The following GUCY1A2 variants were observed in gnomAD, a reference collection of about 807,000 sequenced individuals.
The protein encoded by GUCY1A2 is guanylate cyclase 1 soluble subunit alpha 2, also known as guanylate cyclase soluble subunit alpha-2.
GUCY1A2 carries 27 observed loss-of-function variants against 63.5 expected under a neutral mutation model. The ratio of observed to expected loss-of-function variants is 0.43; its 90% CI spans 0.31 to 0.59. The LOEUF is 0.59. GUCY1A2 is among the 20% of genes least tolerant of loss of function. The pLI is 0.11. For missense variants in GUCY1A2, 768 were observed against 913.3 expected (o/e 0.84, Z 2.05); for synonymous variants, 364 against 343.5 (o/e 1.06, Z -0.66).
chr11:106,886,649 G>A (rs766665714), intron 4 of GUCY1A2, among the ~76,000 whole-genome samples: 1 of 151,978 alleles, frequency 6.6e-6, no homozygotes, highest in Non-Finnish European at 1.5e-5. Flanking sequence ...ATTTGTTCAT[G>A]TTTAATTTGA....
Position 106,687,678 on chromosome 11 carries a change from A to G in GUCY1A2, c.2070T>C (p.Ile690=). 4 of 1,613,102 alleles carry G rather than the reference A, an allele frequency of 2.5e-6. No individual in the cohort carries two copies. Among genetic ancestry groups the G allele is most frequent in the Non-Finnish European group, 3.4e-6 (4 of 1,179,054 alleles). The change falls in exon 8 of 8, where the codon ATT becomes ATC. Residue 690 remains isoleucine, a synonymous_variant. Transcript: ENST00000526355. ...CCTCCAGGAAATAGCAGATCCCAGG[A>G]ATTTCCTTTGGAAAGTTGTCTGGAA... is the stretch of plus-strand genomic sequence containing the variant. ...EELPDNFPKE[I]PGICYFLEVR... is the part of the protein sequence containing the mutation.
intron 4 of GUCY1A2, among the ~76,000 whole-genome samples, chr11:106,870,074 G>C (rs1859654007): frequency 7.4e-6 from 1 of 135,266 alleles, no homozygotes; most frequent in South Asian, 2.6e-4. Flanking sequence ...TTGGACACAG[G>C]AAGGGGAACA....
At chr11:106,888,710 G>T (rs1407643166) in intron 4 of GUCY1A2, among the ~76,000 whole-genome samples, 1 of 152,164 alleles carries the variant, frequency 6.6e-6, no homozygotes, top group East Asian at 1.9e-4. Context: ...TACAACAATG[G>T]TTTCCTTGTC....
intron 6 of GUCY1A2, among the ~76,000 whole-genome samples, chr11:106,753,635 T>G (rs903334614): frequency 2.6e-5 from 4 of 152,196 alleles, no homozygotes; most frequent in African/African-American, 9.6e-5. Flanking sequence ...CTTTTCCTTT[T>G]GTCAGGTTTG....
chr11:106,886,178 G>GC (rs1463339022), intron 4 of GUCY1A2, among the ~76,000 whole-genome samples: 1 of 152,044 alleles, frequency 6.6e-6, no homozygotes, highest in East Asian at 1.9e-4. Flanking sequence ...AGGCTCTAGG[G>GC]CTAAATTCTG....
At chr11:107,008,466 GAACA>G (rs1201751803) in intron 1 of GUCY1A2, among the ~76,000 whole-genome samples, 1 of 152,022 alleles carries the variant, frequency 6.6e-6, no homozygotes, top group Admixed American at 6.6e-5. Flanking sequence ...GCTGCAAACA[GAACA>G]GTCAGATAAA....
Position 106,750,440 on chromosome 11 carries a change from C to T in GUCY1A2, c.1836+25999G>A, listed in dbSNP as rs112453256. Among the ~76,000 whole-genome samples the T allele has an allele frequency of 6.5e-4, 99 of 152,098 alleles. 1 individual carries two copies. Among genetic ancestry groups the T allele is most frequent in the Non-Finnish European group, 4.7e-4 (32 of 67,988 alleles). The stretch of plus-strand genomic sequence containing the variant: ...ATGCTTCACCAGCCATCTAGGCATC[C>T]CTCAGTCCAATCAAGTTGACACCTA... On this transcript the variant is annotated intron_variant, in intron 6 of 7. Coordinates refer to ENST00000526355, the MANE Select transcript of GUCY1A2 (RefSeq NM_000855.3).
intron 4 of GUCY1A2, among the ~76,000 whole-genome samples, chr11:106,853,497 T>C (rs888175003): frequency 2.0e-5 from 3 of 151,868 alleles, no homozygotes; most frequent in African/African-American, 7.2e-5. Context: ...CTACAATTTC[T>C]GTTTGGTTCT....
chr11:106,915,036 C>CT (rs1041303558), intron 4 of GUCY1A2, among the ~76,000 whole-genome samples: 5 of 152,048 alleles, frequency 3.3e-5, no homozygotes, highest in South Asian at 2.1e-4. Flanking sequence ...GAAATAAAGA[C>CT]TTTTTCAGAC....
rs555998028 is a variant in GUCY1A2 at position 106,697,205 on chromosome 11, C to T, written c.1992-9449G>A. 9.2e-5 allele frequency among the ~76,000 whole-genome samples: 14 copies of T among 152,278 alleles called. No individual in the cohort carries two copies. In the South Asian group the frequency reaches 1.0e-3, roughly 11 times the overall value. ...TGGCTAATATCACAAAAACTGATTACAAAGCAATTTTGATTTAGTAATAGG... is the reference window on the plus strand; with the variant it reads ...TGGCTAATATCACAAAAACTGATTATAAAGCAATTTTGATTTAGTAATAGG... On this transcript the variant is annotated intron_variant, in intron 7 of 7. Coordinates refer to ENST00000526355, the MANE Select transcript of GUCY1A2 (RefSeq NM_000855.3).
intron 4 of GUCY1A2, chr11:106,826,793 G>A (rs1858976908): frequency 2.5e-6 from 4 of 1,610,146 alleles, no homozygotes; most frequent in Admixed American, 1.7e-5. Context: ...TGCCAGACTG[G>A]GCTCAGCTGC....
intron 4 of GUCY1A2, among the ~76,000 whole-genome samples, chr11:106,932,185 T>C (rs987422827): frequency 3.3e-5 from 5 of 152,094 alleles, no homozygotes; most frequent in Non-Finnish European, 1.5e-5. Flanking sequence ...AAATCTGATC[T>C]CCAATAGGAG....
intron 4 of GUCY1A2, among the ~76,000 whole-genome samples, chr11:106,850,468 T>C (rs1249917541): frequency 6.6e-6 from 1 of 151,736 alleles, no homozygotes; most frequent in African/African-American, 2.4e-5. Context: ...AGCTGTAATT[T>C]TTGTATCTGT....
chr11:106,899,874 G>A (rs954013442), intron 4 of GUCY1A2, among the ~76,000 whole-genome samples: 1 of 152,060 alleles, frequency 6.6e-6, no homozygotes, highest in African/African-American at 2.4e-5. Flanking sequence ...CACGAAGTCA[G>A]GAGATCGAGA....
At chr11:106,732,684 A>G (rs1049784894) in intron 6 of GUCY1A2, among the ~76,000 whole-genome samples, 1 of 152,176 alleles carries the variant, frequency 6.6e-6, no homozygotes, top group African/African-American at 2.4e-5. Flanking sequence ...CCATTAGGAG[A>G]GCAAGAAATT....
intron 4 of GUCY1A2, among the ~76,000 whole-genome samples, chr11:106,898,612 C>T (rs553976448): frequency 6.6e-6 from 1 of 152,104 alleles, no homozygotes; most frequent in Non-Finnish European, 1.5e-5. Context: ...AGGTTACATA[C>T]TGTGTGAGTC....
intron 2 of GUCY1A2, among the ~76,000 whole-genome samples, chr11:106,980,746 GT>G (rs772628585): frequency 6.6e-6 from 1 of 152,136 alleles, no homozygotes; most frequent in Non-Finnish European, 1.5e-5. Flanking sequence ...AAATAAAAAG[GT>G]TTCATGTTTG....
intron 5 of GUCY1A2, among the ~76,000 whole-genome samples, chr11:106,787,568 GAGAC>G (rs1000301903): frequency 6.9e-3 from 1 of 144 alleles, no homozygotes; most frequent in African/African-American, 0.026. Context: ...GAGAGAGACA[GAGAC>G]AGAAGGAAAG....
chr11:106,944,186 G>A (rs1591337294), intron 3 of GUCY1A2, among the ~76,000 whole-genome samples: 1 of 85,486 alleles, frequency 1.2e-5, no homozygotes, highest in South Asian at 3.6e-4. Flanking sequence ...CTGCACTCCA[G>A]CCTGGGCAAC....
Sources: gnomAD v4.1 joint callset for allele counts (sites outside exome capture counted in the v4.1 genomes callset) on GRCh38, gnomAD v4.1.1 for gene constraint, MANE v1.5 for transcripts, NCBI Gene and HGNC (gene_info 2026-07-23, HGNC 2026-07-21) for gene names.